The following DNM3 variants were observed in gnomAD, a reference collection of about 807,000 sequenced individuals.
The protein encoded by DNM3 is dynamin-3.
A neutral mutation model predicts 101.6 loss-of-function variants in DNM3; 47 were observed. The ratio of observed to expected loss-of-function variants is 0.46; its 90% CI spans 0.37 to 0.59. The LOEUF is 0.59. DNM3 is among the 20% of genes least tolerant of loss of function. The pLI, the probability that DNM3 is intolerant of heterozygous loss-of-function variation, is 0.00. For synonymous variants in DNM3, 385 were observed against 387.9 expected (o/e 0.99, Z 0.09); for missense variants, 849 against 1,085.7 (o/e 0.78, Z 3.06).
intron 2 of DNM3, among the ~76,000 whole-genome samples, chr1:171,946,797 A>G (rs940600735): frequency 6.6e-6 from 1 of 152,314 alleles, no homozygotes; most frequent in Admixed American, 6.5e-5. Context: ...TGTGCAGAAC[A>G]TATGTCAAGA....
intron 15 of DNM3, among the ~76,000 whole-genome samples, chr1:172,304,113 G>A (rs2064631003): frequency 6.6e-6 from 1 of 150,608 alleles, no homozygotes; most frequent in Non-Finnish European, 1.5e-5. Context: ...AGACCCATCA[G>A]TGTGCTGTAT....
chr1:172,316,495 T>C (rs1227306139), intron 16 of DNM3, among the ~76,000 whole-genome samples: 1 of 151,834 alleles, frequency 6.6e-6, no homozygotes, highest in African/African-American at 2.4e-5. Flanking sequence ...AGGAAACCCA[T>C]CTCACGTGCA....
At chr1:172,264,729 C>A (rs528703320) in intron 15 of DNM3, among the ~76,000 whole-genome samples, 44 of 152,150 alleles carry the variant, frequency 2.9e-4, no homozygotes, top group Admixed American at 1.6e-3. Flanking sequence ...CGGGGGTTTC[C>A]AGAACCTTAT....
intron 17 of DNM3, among the ~76,000 whole-genome samples, chr1:172,371,893 T>A (rs1438693075): frequency 4.1e-5 from 6 of 146,918 alleles, no homozygotes; most frequent in African/African-American, 1.5e-4. Context: ...TTTACTTTTT[T>A]ATTTATTTAT....
chr1:171,943,813 A>T (rs2041973903), intron 2 of DNM3, among the ~76,000 whole-genome samples: 1 of 152,170 alleles, frequency 6.6e-6, no homozygotes, highest in African/African-American at 2.4e-5. Context: ...CTCAGAATAA[A>T]TATCTTCAAA....
chr1:172,084,487 ATGT>A (rs1405997827), intron 12 of DNM3, among the ~76,000 whole-genome samples: 36 of 152,290 alleles, frequency 2.4e-4, no homozygotes, highest in African/African-American at 7.9e-4. Flanking sequence ...TCAGAGATAA[ATGT>A]CCTTTCCATT....
chr1:171,903,350 T>C (rs1013539697), intron 1 of DNM3, among the ~76,000 whole-genome samples: 1 of 152,214 alleles, frequency 6.6e-6, no homozygotes, highest in Non-Finnish European at 1.5e-5. Context: ...ATCTTTCCTT[T>C]GTACTTGGAT....
chr1:171,947,383 G>A (rs1299385328), intron 2 of DNM3, among the ~76,000 whole-genome samples: 1 of 152,132 alleles, frequency 6.6e-6, no homozygotes, highest in Non-Finnish European at 1.5e-5. Context: ...ATGTATGTAT[G>A]TTGGAGAAAA....
At chr1:172,147,583 A>G (rs2148208271) in intron 14 of DNM3, among the ~76,000 whole-genome samples, 1 of 152,214 alleles carries the variant, frequency 6.6e-6, no homozygotes. Context: ...ATGACTTTGG[A>G]AATTCTCAAA....
intron 16 of DNM3, among the ~76,000 whole-genome samples, chr1:172,318,323 G>T (rs1027647947): frequency 7.2e-5 from 11 of 151,858 alleles, no homozygotes; most frequent in Admixed American, 1.3e-4. Flanking sequence ...TTGAAAACTG[G>T]CACAAGACAG....
At chr1:172,056,707 A>G (rs1461730575) in intron 10 of DNM3, among the ~76,000 whole-genome samples, 1 of 151,912 alleles carries the variant, frequency 6.6e-6, no homozygotes, top group East Asian at 1.9e-4. Flanking sequence ...CACCATCATC[A>G]AAGACCAAAA....
chr1:172,195,241 A>G (rs1202639029), intron 14 of DNM3, among the ~76,000 whole-genome samples: 1 of 151,976 alleles, frequency 6.6e-6, no homozygotes, highest in Non-Finnish European at 1.5e-5. Flanking sequence ...TTGCTGGTAT[A>G]TAGGAAGGCG....
intron 14 of DNM3, among the ~76,000 whole-genome samples, chr1:172,215,613 C>T (rs1211987940): frequency 1.3e-5 from 2 of 151,438 alleles, no homozygotes; most frequent in Non-Finnish European, 2.9e-5. Context: ...GATATCAGAG[C>T]AAAAATTGGA....
chr1:172,394,280 G>A (rs958556257), intron 20 of DNM3: 1 of 152,164 alleles, frequency 6.6e-6, no homozygotes, highest in Non-Finnish European at 1.5e-5. Context: ...CTGTTTAGGC[G>A]AGGCCCAGAA....
chr1:172,269,989 C>G (rs1034632062), intron 15 of DNM3, among the ~76,000 whole-genome samples: 1 of 151,926 alleles, frequency 6.6e-6, no homozygotes, highest in Non-Finnish European at 1.5e-5. Flanking sequence ...ATAAAGGAAA[C>G]TAAGGGCATG....
Position 172,407,877 on chromosome 1 carries a change from A to T in DNM3, c.*36A>T. On this transcript the variant is annotated 3_prime_UTR_variant, in exon 21 of 21. Coordinates refer to ENST00000627582, the MANE Select transcript of DNM3 (RefSeq NM_015569.5). ...TGGCATGGCAATTAATCACTAATGAATTATGCGAAAGCAACATATTTGATA... is the reference window on the plus strand; with the variant it reads ...TGGCATGGCAATTAATCACTAATGATTTATGCGAAAGCAACATATTTGATA... The T allele has an allele frequency of 6.2e-7, 1 of 1,612,648 alleles. No individual in the cohort carries two copies. The highest frequency in any genetic ancestry group is 8.5e-7 in the Non-Finnish European group (1 of 1,178,904).
chr1:172,191,835 A>C lies in DNM3; in HGVS notation c.1659+60547A>C, dbSNP rs2059735862. On this transcript the variant is annotated intron_variant, in intron 14 of 20. Transcript: ENST00000627582. Reference sequence around the variant, plus strand: ...TTCTGTTTGTCTGTTATTGGTGTATAGGAATGCTTGTGGTTTTTGCACGTT... The same window carrying C: ...TTCTGTTTGTCTGTTATTGGTGTATCGGAATGCTTGTGGTTTTTGCACGTT... 2.0e-5 allele frequency among the ~76,000 whole-genome samples: 3 copies of C among 152,278 alleles called. No homozygotes were observed. In the South Asian group the frequency reaches 6.2e-4, roughly 32 times the overall value.
chr1:172,328,902 A>T (rs536444993), intron 17 of DNM3, among the ~76,000 whole-genome samples: 1 of 151,884 alleles, frequency 6.6e-6, no homozygotes, highest in East Asian at 1.9e-4. Flanking sequence ...CTGGTCTTGG[A>T]CTCCTGGGCT....
chr1:172,283,780 A>AAAAGAAAG (rs1553221114), intron 15 of DNM3, among the ~76,000 whole-genome samples: 5,003 of 109,472 alleles, frequency 0.046, 86 homozygotes, highest in Non-Finnish European at 0.066. Context: ...AAAAAAAAAA[A>AAAAGAAAG]AAAGAAAGAA....
Sources: gnomAD v4.1 joint callset for allele counts (sites outside exome capture counted in the v4.1 genomes callset) on GRCh38, gnomAD v4.1.1 for gene constraint, MANE v1.5 for transcripts, NCBI Gene and HGNC (gene_info 2026-07-23, HGNC 2026-07-21) for gene names.